Variants in UGP2 observed in about 807,000 individuals in gnomAD.
UGP2 encodes the protein UTP--glucose-1-phosphate uridylyltransferase.
Under a neutral mutation model 49.0 loss-of-function variants are expected in UGP2, and 40 were observed. The observed-to-expected ratio is 0.82, with a 90% CI of 0.63 to 1.06. The LOEUF is 1.06. Among genes scored for constraint, UGP2 ranks in the 50% least tolerant of loss-of-function variants. UGP2 has a pLI of 0.00. For missense variants in UGP2, 460 were observed against 603.5 expected, an observed-to-expected ratio of 0.76 and a Z score of 2.49; for synonymous variants, 225 against 213.0, an observed-to-expected ratio of 1.06 and a Z score of -0.49.
chr2:63,885,545 C>A, intron 5 of UGP2, 44 bp from the exon 6 acceptor site: 1 of 1,435,836 alleles, frequency 7.0e-7, no homozygotes, highest in Non-Finnish European at 9.2e-7. Context: ...GCCTGAAATG[C>A]TCTACAGGGT....
At chr2:63,846,573 T>C (rs1012209135) in intron 1 of UGP2, among the ~76,000 whole-genome samples, 1 of 152,216 alleles carries the variant, frequency 6.6e-6, no homozygotes, top group Non-Finnish European at 1.5e-5. Context: ...ACTTAAAAAA[T>C]GCTTGAGGCC....
At chr2:63,852,338 C>G (rs1669097173) in intron 1 of UGP2, among the ~76,000 whole-genome samples, 1 of 152,196 alleles carries the variant, frequency 6.6e-6, no homozygotes, top group African/African-American at 2.4e-5. Context: ...TGGGAGCTTA[C>G]CCAGGAATCT....
At chr2:63,883,912 CAAAAG>C (rs1260627770) in intron 4 of UGP2, 43 bp from the exon 5 acceptor site, 1 of 1,561,114 alleles carries the variant, frequency 6.4e-7, no homozygotes, top group East Asian at 2.3e-5. Flanking sequence ...CATATTTGAG[CAAAAG>C]AAAAGTGAGT....
intron 9 of UGP2, 111 bp from the exon 10 acceptor site, chr2:63,891,009 A>T (rs1385113952): frequency 1.4e-6 from 1 of 707,290 alleles, no homozygotes; most frequent in Non-Finnish European, 2.3e-6. Context: ...GTTTATAAAA[A>T]AAGTTACTTC....
At chr2:63,850,478 TTGAA>T (rs1342537411) in intron 1 of UGP2, among the ~76,000 whole-genome samples, 1 of 152,208 alleles carries the variant, frequency 6.6e-6, no homozygotes, top group Non-Finnish European at 1.5e-5. Flanking sequence ...TAATTTATCA[TTGAA>T]TGACATGGAA....
At chr2:63,848,597 T>C (rs1575801076) in intron 1 of UGP2, among the ~76,000 whole-genome samples, 1 of 152,254 alleles carries the variant, frequency 6.6e-6, no homozygotes. Flanking sequence ...CTCCTGACCA[T>C]GTGATCCGCC....
Position 63,886,451 on chromosome 2 carries a change from TACAA to T in UGP2, c.989_992del (p.Asn330ThrfsTer24). The T allele has an allele frequency of 1.2e-6, 2 of 1,614,168 alleles. No homozygotes were observed. The highest frequency in any genetic ancestry group is 1.7e-6 in the Non-Finnish European group (2 of 1,180,018). The stretch of plus-strand genomic sequence containing the variant: ...CTGTATCAAAGTTCAAAATATTTAA[TACAA>T]ACAACCTATGGATTTCTCTTGCAGC... On this transcript the variant is annotated frameshift_variant, in exon 7 of 10. Coordinates refer to ENST00000337130, the MANE Select transcript of UGP2 (RefSeq NM_006759.4). LOFTEE classifies it high-confidence loss of function.
At chr2:63,866,869 G>A (rs965856223) in intron 3 of UGP2, among the ~76,000 whole-genome samples, 2 of 152,126 alleles carry the variant, frequency 1.3e-5, no homozygotes, top group African/African-American at 4.8e-5. Context: ...GAAGCAAGTA[G>A]GGAGTAGCTG....
rs749059129 is a variant in UGP2, at chr2:63,849,921, C to T, written c.20-6385C>T. Among the ~76,000 whole-genome samples, 3 of 152,180 alleles carry T rather than the reference C, an allele frequency of 2.0e-5. No homozygotes were observed. In the East Asian group the frequency reaches 5.8e-4, roughly 29 times the overall value. ...AATGCACACATAGCAAGTTACACGGCAGGACTACCGGATCATTTTTTGGCT... is the reference window on the plus strand; with the variant it reads ...AATGCACACATAGCAAGTTACACGGTAGGACTACCGGATCATTTTTTGGCT... On this transcript the variant is annotated intron_variant, in intron 1 of 9. Transcript: ENST00000337130.
intron 3 of UGP2, among the ~76,000 whole-genome samples, chr2:63,877,324 A>C (rs1670974459): frequency 1.3e-5 from 2 of 152,210 alleles, no homozygotes; most frequent in South Asian, 4.1e-4. Context: ...TTCCTCTCTA[A>C]TAGTAACTGA....
intron 5 of UGP2, among the ~76,000 whole-genome samples, chr2:63,884,896 CAAAAAT>C: frequency 6.8e-6 from 1 of 146,778 alleles, no homozygotes; most frequent in Admixed American, 6.9e-5. Flanking sequence ...GACCCTATCT[CAAAAAT>C]AAAATAAAAA....
chr2:63,891,550 C>T lies in UGP2; in HGVS notation c.*323C>T, dbSNP rs1157263745. 6.3e-5 allele frequency: 12 copies of T among 191,248 alleles called. No individual in the cohort carries two copies. In the East Asian group the frequency reaches 1.6e-3, roughly 26 times the overall value. The allele number at this position is 191,248 out of a possible 1,614,324, so 11.8% of individuals were successfully genotyped here. On this transcript the variant is annotated 3_prime_UTR_variant, in exon 10 of 10. Coordinates refer to ENST00000337130, the MANE Select transcript of UGP2 (RefSeq NM_006759.4). ...ATTGCTTGTGATTTCAAAAATAAAG[C>T]AGTGAAGCAATACTTGTGTACACTG...
chr2:63,868,969 A>G (rs1670364886), intron 3 of UGP2, among the ~76,000 whole-genome samples: 1 of 152,088 alleles, frequency 6.6e-6, no homozygotes, highest in African/African-American at 2.4e-5. Flanking sequence ...CCATCTCAAA[A>G]AAAAAAAAAG....
intron 8 of UGP2, chr2:63,889,313 G>A (rs1042374861): frequency 1.3e-5 from 2 of 151,956 alleles, no homozygotes; most frequent in African/African-American, 4.8e-5. Flanking sequence ...TTTTTTTAAT[G>A]GGAGGATGTT....
intron 1 of UGP2, 52 bp downstream of exon 1, chr2:63,842,256 C>G: frequency 1.9e-6 from 3 of 1,607,800 alleles, no homozygotes; most frequent in Non-Finnish European, 2.5e-6. Flanking sequence ...AATTTGGGTA[C>G]TGACAGTGGA....
chr2:63,890,297 T>A, intron 9 of UGP2, 112 bp downstream of exon 9: 1 of 682,650 alleles, frequency 1.5e-6, no homozygotes. Context: ...TAGTGCCACC[T>A]TAATTACTAG....
chr2:63,887,439 C>G lies in UGP2; in HGVS notation c.1109C>G (p.Thr370Ser). 1 of 1,614,058 alleles carries G rather than the reference C, an allele frequency of 6.2e-7. No individual in the cohort carries two copies. Among genetic ancestry groups the G allele is most frequent in the Non-Finnish European group, 8.5e-7 (1 of 1,180,002 alleles). ...DGGLNVIQLE[T>S]AVGAAIKSFE... ...GGCCTGAATGTCATTCAATTAGAAA[C>G]TGCAGTAGGGGCTGCCATCAAAAGT... Residue 370 changes from threonine to serine, a missense_variant, in exon 8 of 10, where the codon ACT becomes AGT. Thr to Ser is a moderately conservative substitution (Grantham distance 58). Transcript: ENST00000337130.
intron 3 of UGP2, among the ~76,000 whole-genome samples, chr2:63,863,551 A>G (rs1310361034): frequency 6.6e-6 from 1 of 152,220 alleles, no homozygotes; most frequent in Non-Finnish European, 1.5e-5. Context: ...TGCTGTAAGT[A>G]GGTTAACACA....
Position 63,856,346 on chromosome 2 carries a change from C to T in UGP2, c.60C>T (p.Phe20=). The T allele has an allele frequency of 6.2e-7, 1 of 1,613,842 alleles. No individual in the cohort carries two copies. Residue 20 remains phenylalanine, a synonymous_variant, in exon 2 of 10, where the codon TTC becomes TTT. Coordinates refer to ENST00000337130, the MANE Select transcript of UGP2 (RefSeq NM_006759.4). ...TGTCTCAAGATGGTGCTTCTCAGTT[C>T]CAAGAAGTCATTCGGCAAGAGCTAG... ...KAMSQDGASQ[F]QEVIRQELEL...
Sources: allele counts gnomAD v4.1 joint callset (sites outside exome capture counted in the v4.1 genomes callset), GRCh38; gene constraint gnomAD v4.1.1; transcripts MANE v1.5; gene names NCBI Gene and HGNC (gene_info 2026-07-23, HGNC 2026-07-21).